ASS1: variants seen among roughly 807,000 people sequenced by gnomAD.
The protein encoded by ASS1 is argininosuccinate synthase 1.
ASS1 carries 58 observed loss-of-function variants against 60.5 expected under a neutral mutation model. That is an observed-to-expected ratio of 0.96 (90% CI 0.78 to 1.19). The LOEUF is 1.19. Ranked by LOEUF, ASS1 falls within the 50% of genes most tolerant of loss-of-function variation. The pLI is 0.00. For missense variants in ASS1, 454 were observed against 547.3 expected, an observed-to-expected ratio of 0.83 and a Z score of 1.70; for synonymous variants, 200 against 206.9, an observed-to-expected ratio of 0.97 and a Z score of 0.29.
At chr9:130,466,697 C>A (rs76169404) in intron 5 of ASS1, 28 bp from the exon 6 acceptor site, 1 of 1,610,460 alleles carries the variant, frequency 6.2e-7, no homozygotes, top group South Asian at 1.1e-5. Flanking sequence ...TCGGCCCTCC[C>A]GGCTCTGACC....
chr9:130,493,748 GGCCT>G (rs58946745), intron 12 of ASS1, among the ~76,000 whole-genome samples: 14 of 152,056 alleles, frequency 9.2e-5, no homozygotes, highest in South Asian at 2.1e-4. Context: ...CCCCCGCCAT[GGCCT>G]GCCTGCCTGC....
At chr9:130,493,414 T>A (rs1158166661) in intron 12 of ASS1, among the ~76,000 whole-genome samples, 1 of 152,008 alleles carries the variant, frequency 6.6e-6, no homozygotes, top group East Asian at 1.9e-4. Context: ...CACAGGGAGG[T>A]TAATCACTTG....
Position 130,476,802 on chromosome 9 carries a change from C to A in ASS1, c.598-69C>A. 2 of 1,420,388 alleles carry A rather than the reference C, an allele frequency of 1.4e-6. No individual in the cohort carries two copies. Among genetic ancestry groups the A allele is most frequent in the Non-Finnish European group, 2.0e-6 (2 of 1,005,328 alleles). 88.0% of individuals were successfully genotyped at this position (1,420,388 alleles called of 1,614,324 possible). On this transcript the variant is annotated intron_variant, in intron 8 of 14. Transcript: ENST00000352480. The surrounding 1 kb of genome is among the most constrained non-coding windows in gnomAD (Gnocchi z 4.9). ...CAGAGGAGAGGGGTGCAGATCCCCG[C>A]GGGAGGTGGGCTGTAGGGTGTCCAG...
chr9:130,458,255 G>A lies in ASS1; in HGVS notation c.175-146G>A. ...CAGTGTGCTGGGATTGATGAATGATGTCTACTACAGATGCAGAAGAAGAAG... is the reference window on the plus strand; with the variant it reads ...CAGTGTGCTGGGATTGATGAATGATATCTACTACAGATGCAGAAGAAGAAG... On this transcript the variant is annotated intron_variant, in intron 3 of 14. Coordinates refer to ENST00000352480, the MANE Select transcript of ASS1 (RefSeq NM_054012.4). 6.0e-6 allele frequency: 5 copies of A among 835,370 alleles called. No homozygotes were observed. The South Asian group carries it at 7.0e-5, about 12-fold the overall frequency. 51.7% of individuals were successfully genotyped at this position (835,370 alleles called of 1,614,324 possible).
Position 130,458,523 on chromosome 9 carries a change from C to CCG in ASS1, c.299_300dup (p.Lys101AlafsTer40). 6.2e-7 allele frequency: 1 copy of CCG among 1,613,244 alleles called. No homozygotes were observed. ...CCTCTCTTGCCAGGCCCTGCATCGCCCGCAAACAAGTGGAAATCGCCCAGC... is the reference window on the plus strand; with the variant it reads ...CCTCTCTTGCCAGGCCCTGCATCGCCCGCGCAAACAAGTGGAAATCGCCCAGC... On this transcript the variant is annotated frameshift_variant, in exon 4 of 15. Coordinates refer to ENST00000352480, the MANE Select transcript of ASS1 (RefSeq NM_054012.4). LOFTEE classifies it high-confidence loss of function.
At chr9:130,468,839 A>G (rs1845804150) in intron 6 of ASS1, among the ~76,000 whole-genome samples, 1 of 152,196 alleles carries the variant, frequency 6.6e-6, no homozygotes, top group Admixed American at 6.5e-5. Context: ...GGAGCTAGAA[A>G]CAGGATGGTC....
rs1057523862 is a variant in ASS1 at position 130,495,038 on chromosome 9, C to G, written c.1127+15C>G. ...GAGCTGGTGAGGTAGGTGCCCCACACCTCATTCTGACCCCCACTTGGGCAC... is the reference window on the plus strand; with the variant it reads ...GAGCTGGTGAGGTAGGTGCCCCACAGCTCATTCTGACCCCCACTTGGGCAC... On this transcript the variant is annotated intron_variant, in intron 13 of 14. Transcript: ENST00000352480. The G allele has an allele frequency of 6.2e-7, 1 of 1,603,030 alleles. No homozygotes were observed. Among genetic ancestry groups the G allele is most frequent in the East Asian group, 2.3e-5 (1 of 44,370 alleles).
intron 8 of ASS1, among the ~76,000 whole-genome samples, chr9:130,475,307 G>A (rs1670364973): frequency 6.6e-6 from 1 of 152,150 alleles, no homozygotes; most frequent in Admixed American, 6.5e-5. Context: ...TTTGTACCAG[G>A]CCTTCCCTGA....
At chr9:130,475,979 G>A (rs1445292487) in intron 8 of ASS1, among the ~76,000 whole-genome samples, 2 of 152,106 alleles carry the variant, frequency 1.3e-5, no homozygotes, top group African/African-American at 4.8e-5. Flanking sequence ...GGCTGGTGTC[G>A]AACTCCTGAG....
Position 130,499,485 on chromosome 9 carries a change from A to G in ASS1, c.1128-20A>G, listed in dbSNP as rs563178565. 3.7e-6 allele frequency: 6 copies of G among 1,612,394 alleles called. No homozygotes were observed. The highest frequency in any genetic ancestry group is 3.3e-5 in the Admixed American group (2 of 59,812). On this transcript the variant is annotated intron_variant, in intron 13 of 14. Coordinates refer to ENST00000352480, the MANE Select transcript of ASS1 (RefSeq NM_054012.4). Reference sequence around the variant, plus strand: ...AGGCCAGGGCCAGGCTGAGCTGACAAGCTTCTACTCTCCTTGCAGCATGAA... The same window carrying G: ...AGGCCAGGGCCAGGCTGAGCTGACAGGCTTCTACTCTCCTTGCAGCATGAA...
At position 130,477,395 on chromosome 9, in the gene ASS1, G is replaced by T. The variant is rs180769793; in HGVS notation, c.688+434G>T. 6.6e-6 allele frequency among the ~76,000 whole-genome samples: 1 copy of T among 152,194 alleles called. No individual in the cohort carries two copies. Among genetic ancestry groups the T allele is most frequent in the Admixed American group, 6.5e-5 (1 of 15,292 alleles). ...TGCTCAGTAAACGGTGAGTGTTGGC[G>T]AGCTGGCCTCATGGACCCCTGGGAC... On this transcript the variant is annotated intron_variant, in intron 9 of 14. Transcript: ENST00000352480. The surrounding 1 kb of genome is among the most constrained non-coding windows in gnomAD (Gnocchi z 4.2).
Position 130,480,381 on chromosome 9 carries a change from A to G in ASS1, c.774-4A>G. 7.4e-6 allele frequency: 12 copies of G among 1,614,190 alleles called. No individual in the cohort carries two copies. Among genetic ancestry groups the G allele is most frequent in the Non-Finnish European group, 9.3e-6 (11 of 1,180,020 alleles). On this transcript the variant is annotated splice_region_variant and splice_polypyrimidine_tract_variant and intron_variant, in intron 10 of 14. Coordinates refer to ENST00000352480, the MANE Select transcript of ASS1 (RefSeq NM_054012.4). ...CGAACCTAATGGACCAGTTCTTCCC[A>G]CAGGGGCAAGCATGGCGTGGGCCGT...
At chr9:130,480,972 A>G (rs190816991) in intron 11 of ASS1, among the ~76,000 whole-genome samples, 18 of 150,682 alleles carry the variant, frequency 1.2e-4, no homozygotes, top group East Asian at 3.9e-4. Flanking sequence ...GGGCTGTGCC[A>G]CAGTTGGGGC....
chr9:130,450,975 G>A (rs975072675), intron 1 of ASS1, among the ~76,000 whole-genome samples: 1 of 152,206 alleles, frequency 6.6e-6, no homozygotes, highest in African/African-American at 2.4e-5. Context: ...ACGGAGGCTG[G>A]AACCAGGAGG....
intron 3 of ASS1, among the ~76,000 whole-genome samples, chr9:130,455,501 C>G (rs943621635): frequency 2.6e-5 from 4 of 152,224 alleles, no homozygotes; most frequent in Non-Finnish European, 5.9e-5. Context: ...GTCCATCATC[C>G]CCCTACCTGT....
chr9:130,450,222 T>C, intron 1 of ASS1: 1 of 977,104 alleles, frequency 1.0e-6, no homozygotes, highest in Non-Finnish European at 1.2e-6. Flanking sequence ...TTAGGGCCTC[T>C]GGGATGGCCC....
At chr9:130,473,724 AG>A (rs1341351104) in intron 8 of ASS1, among the ~76,000 whole-genome samples, 2 of 152,080 alleles carry the variant, frequency 1.3e-5, no homozygotes, top group Non-Finnish European at 2.9e-5. Flanking sequence ...TGCGGAAGGG[AG>A]GGCTTGAAGG....
intron 1 of ASS1, among the ~76,000 whole-genome samples, chr9:130,448,754 G>C (rs1296036480): frequency 6.6e-6 from 1 of 152,132 alleles, no homozygotes; most frequent in African/African-American, 2.4e-5. Flanking sequence ...AGTAGAGACG[G>C]GGTTTTGCCA....
chr9:130,489,594 T>C lies in ASS1; in HGVS notation c.970+130T>C, dbSNP rs1454452042. ...CCCCTGCCGCCCACTGCCATCCTCA[T>C]GTGAGACCCCAAAAGGTGCAGGCCA... On this transcript the variant is annotated intron_variant, in intron 12 of 14. Transcript: ENST00000352480. This position sits in a 1 kb window ranked among gnomAD's most constrained non-coding sequence, Gnocchi z 4.1. 70 of 1,470,322 alleles carry C rather than the reference T, an allele frequency of 4.8e-5. No homozygotes were observed. The highest frequency in any genetic ancestry group is 6.2e-5 in the Non-Finnish European group (66 of 1,061,198). The allele number at this position is 1,470,322 out of a possible 1,614,324, so 91.1% of individuals were successfully genotyped here.
Sources: allele counts gnomAD v4.1 joint callset (sites outside exome capture counted in the v4.1 genomes callset), GRCh38; gene constraint gnomAD v4.1.1; non-coding constraint Gnocchi (gnomAD v3.1); transcripts MANE v1.5; gene names NCBI Gene and HGNC (gene_info 2026-07-23, HGNC 2026-07-21).